The following ADARB2 variants were observed in gnomAD, a reference collection of about 807,000 sequenced individuals.
ADARB2 encodes the protein adenosine deaminase RNA specific B2 (inactive).
A neutral mutation model predicts 62.2 loss-of-function variants in ADARB2; 25 were observed. The ratio of observed to expected loss-of-function variants is 0.40; its 90% CI spans 0.29 to 0.56. ADARB2 has a LOEUF of 0.56. Among genes scored for constraint, ADARB2 ranks in the 20% least tolerant of loss-of-function variants. The probability of loss-of-function intolerance (pLI) is 0.43; values close to 1 mark genes in which losing one functional copy is unlikely to be tolerated. For synonymous variants in ADARB2, 572 were observed against 500.8 expected (o/e 1.14, Z -1.90); for missense variants, 1,071 against 1,077.4 (o/e 0.99, Z 0.08).
intron 4 of ADARB2, among the ~76,000 whole-genome samples, chr10:1,260,950 C>T (rs1589168446): frequency 7.4e-6 from 1 of 134,442 alleles, no homozygotes; most frequent in Non-Finnish European, 1.6e-5. Context: ...GGTACCAAAA[C>T]AGAGATATAG....
intron 1 of ADARB2, among the ~76,000 whole-genome samples, chr10:1,665,207 C>T (rs1464194603): frequency 6.6e-6 from 1 of 152,234 alleles, no homozygotes; most frequent in East Asian, 1.9e-4. Flanking sequence ...AGTTATTTCC[C>T]CTGGCTCCCT....
In ADARB2 at chr10:1,271,131, G is replaced by A. The variant is rs1278496667; in HGVS notation, c.1078-62C>T. On this transcript the variant is annotated intron_variant, in intron 3 of 9. Coordinates refer to ENST00000381312, the MANE Select transcript of ADARB2 (RefSeq NM_018702.4). ...AGCAGGTGCCGTGGAGGATGATGGGGCACTGTCCTCCCCGTCCTCACAGCC... is the reference window on the plus strand; with the variant it reads ...AGCAGGTGCCGTGGAGGATGATGGGACACTGTCCTCCCCGTCCTCACAGCC... 18 of 1,364,450 alleles carry A rather than the reference G, an allele frequency of 1.3e-5. No individual in the cohort carries two copies. In the East Asian group the frequency reaches 4.3e-4, roughly 33 times the overall value. 84.5% of individuals were successfully genotyped at this position (1,364,450 alleles called of 1,614,324 possible).
intron 1 of ADARB2, among the ~76,000 whole-genome samples, chr10:1,684,520 C>A (rs1834576933): frequency 6.6e-6 from 1 of 152,170 alleles, no homozygotes; most frequent in Non-Finnish European, 1.5e-5. Context: ...GGGCACTTTT[C>A]TTAAGATATT....
intron 3 of ADARB2, among the ~76,000 whole-genome samples, chr10:1,296,463 A>G (rs910298031): frequency 1.3e-5 from 2 of 152,200 alleles, no homozygotes; most frequent in South Asian, 2.1e-4. Flanking sequence ...AACGTATTCT[A>G]TGCTTTTCCA....
chr10:1,669,556 A>G (rs995610782), intron 1 of ADARB2, among the ~76,000 whole-genome samples: 1 of 151,958 alleles, frequency 6.6e-6, no homozygotes, highest in Non-Finnish European at 1.5e-5. Context: ...ACTCAGAGAG[A>G]CACACACAGA....
Position 1,557,251 on chromosome 10 carries a change from C to T in ADARB2, c.101-178091G>A, listed in dbSNP as rs559610718. Among the ~76,000 whole-genome samples, 13 of 151,846 alleles carry T rather than the reference C, an allele frequency of 8.6e-5. No homozygotes were observed. In the South Asian group the frequency reaches 2.3e-3, roughly 27 times the overall value. ...GCCCAGCCACCACCTCGTCTGACTCCCCGTCCTCCCCTTGGTGCTGGGCTC... is the reference window on the plus strand; with the variant it reads ...GCCCAGCCACCACCTCGTCTGACTCTCCGTCCTCCCCTTGGTGCTGGGCTC... On this transcript the variant is annotated intron_variant, in intron 1 of 9. Coordinates refer to ENST00000381312, the MANE Select transcript of ADARB2 (RefSeq NM_018702.4).
chr10:1,341,773 C>T (rs923215826), intron 3 of ADARB2, among the ~76,000 whole-genome samples: 1 of 152,264 alleles, frequency 6.6e-6, no homozygotes, highest in South Asian at 2.1e-4. Flanking sequence ...AAGTGTCCCT[C>T]AGTGGTGATA....
intron 8 of ADARB2, among the ~76,000 whole-genome samples, chr10:1,191,371 C>A (rs994672210): frequency 6.6e-6 from 1 of 152,138 alleles, no homozygotes; most frequent in Admixed American, 6.5e-5. Context: ...GGGTGGCCTC[C>A]GTTGGGTAGG....
chr10:1,645,554 C>G (rs2119064410), intron 1 of ADARB2, among the ~76,000 whole-genome samples: 1 of 152,352 alleles, frequency 6.6e-6, no homozygotes, highest in South Asian at 2.1e-4. Flanking sequence ...TGACAGCTTC[C>G]TCACCTGGTC....
chr10:1,404,334 G>A (rs926032338), intron 1 of ADARB2, among the ~76,000 whole-genome samples: 15 of 152,342 alleles, frequency 9.8e-5, no homozygotes, highest in African/African-American at 3.1e-4. Context: ...TACCACTGGG[G>A]ACCTGATGGG....
intron 1 of ADARB2, among the ~76,000 whole-genome samples, chr10:1,431,938 A>T (rs1415902213): frequency 6.6e-6 from 1 of 152,178 alleles, no homozygotes; most frequent in Non-Finnish European, 1.5e-5. Context: ...CATTAAGTGA[A>T]CTCATAATTT....
At chr10:1,500,366 G>A (rs191053806) in intron 1 of ADARB2, among the ~76,000 whole-genome samples, 164 of 152,280 alleles carry the variant, frequency 1.1e-3, no homozygotes, top group African/African-American at 3.6e-3. Flanking sequence ...TCTGTCTTTG[G>A]AAAGTTATAG....
rs1373478407 is a variant in ADARB2 at position 1,737,079 on chromosome 10, C to T, written c.72G>A (p.Arg24=). 1.2e-6 allele frequency: 2 copies of T among 1,611,914 alleles called. No homozygotes were observed. Among genetic ancestry groups the T allele is most frequent in the Middle Eastern group, 1.6e-4 (1 of 6,084 alleles). The change falls in exon 1 of 10, where the codon AGG becomes AGA. Residue 24 remains arginine (R), a synonymous_variant. Transcript: ENST00000381312. ...LSSQLKCKSK[R]RRRRRSKRKD... The stretch of plus-strand genomic sequence containing the variant: ...TCCGCTTGGACCTCCGCCTCCTCCT[C>T]CTCTTGGACTTGCATTTGAGTTGAC...
At position 1,643,670 on chromosome 10, in the gene ADARB2, T is replaced by C. The variant is rs548459547; in HGVS notation, c.100+93381A>G. Among the ~76,000 whole-genome samples the C allele has an allele frequency of 1.2e-4, 19 of 152,356 alleles. No individual in the cohort carries two copies. In the South Asian group the frequency reaches 2.9e-3, roughly 23 times the overall value. ...GAACCACGGACAGCTCCTGGTTCCC[T>C]ATCCCTTAGGGTGCCTGGGCTTCAT... On this transcript the variant is annotated intron_variant, in intron 1 of 9. Transcript: ENST00000381312.
At chr10:1,569,355 G>A (rs1168824649) in intron 1 of ADARB2, among the ~76,000 whole-genome samples, 4 of 152,212 alleles carry the variant, frequency 2.6e-5, no homozygotes, top group Admixed American at 6.5e-5. Context: ...TGCCCATCGT[G>A]TGGCACCAGA....
intron 1 of ADARB2, among the ~76,000 whole-genome samples, chr10:1,436,516 T>C (rs1830836982): frequency 6.6e-6 from 1 of 152,224 alleles, no homozygotes; most frequent in Non-Finnish European, 1.5e-5. Context: ...CTTCATACGA[T>C]ACTTTGTAGT....
chr10:1,560,897 C>T (rs1007777845), intron 1 of ADARB2, among the ~76,000 whole-genome samples: 4 of 152,180 alleles, frequency 2.6e-5, no homozygotes, highest in Non-Finnish European at 4.4e-5. Flanking sequence ...CTTCCAAATA[C>T]GTCTTGCCAA....
At chr10:1,691,765 CAG>C (rs1270109164) in intron 1 of ADARB2, among the ~76,000 whole-genome samples, 2 of 152,216 alleles carry the variant, frequency 1.3e-5, no homozygotes, top group Non-Finnish European at 2.9e-5. Flanking sequence ...ACATCCCACT[CAG>C]AGCCATAATC....
intron 1 of ADARB2, among the ~76,000 whole-genome samples, chr10:1,583,214 C>T (rs1266514289): frequency 6.6e-6 from 1 of 151,870 alleles, no homozygotes; most frequent in Non-Finnish European, 1.5e-5. Context: ...TTTCACCTTC[C>T]CAGAGAAAAG....
Sources: allele counts gnomAD v4.1 joint callset (sites outside exome capture counted in the v4.1 genomes callset), GRCh38; gene constraint gnomAD v4.1.1; transcripts MANE v1.5; gene names NCBI Gene and HGNC (gene_info 2026-07-23, HGNC 2026-07-21).